The following PTCHD4 variants were observed in gnomAD, a reference collection of about 807,000 sequenced individuals.
PTCHD4 encodes the protein patched domain containing 4, also known as patched domain-containing protein 4.
In PTCHD4, 33 loss-of-function variants were observed where a neutral mutation model predicts 58.1. The observed-to-expected ratio is 0.57, with a 90% CI of 0.43 to 0.76. The LOEUF (loss-of-function observed/expected upper bound fraction) is 0.76, where lower values mean the gene tolerates loss of function less well. Among genes scored for constraint, PTCHD4 ranks in the 30% least tolerant of loss-of-function variants. The pLI, the probability that PTCHD4 is intolerant of heterozygous loss-of-function variation, is 0.00. For synonymous variants in PTCHD4, 478 were observed against 409.6 expected, an observed-to-expected ratio of 1.17 and a Z score of -2.02; for missense variants, 1,058 against 1,027.1, an observed-to-expected ratio of 1.03 and a Z score of -0.41.
chr6:48,053,714 T>A (rs1764313035), intron 3 of PTCHD4, among the ~76,000 whole-genome samples: 1 of 152,102 alleles, frequency 6.6e-6, no homozygotes, highest in African/African-American at 2.4e-5. Flanking sequence ...TGATAAGCAA[T>A]CCGGGACATC....
chr6:48,048,628 C>T (rs1764123063), intron 3 of PTCHD4, among the ~76,000 whole-genome samples: 1 of 151,826 alleles, frequency 6.6e-6, no homozygotes, highest in Non-Finnish European at 1.5e-5. Context: ...CTAGGTTTTG[C>T]AGTATTACTG....
intron 1 of PTCHD4, among the ~76,000 whole-genome samples, chr6:48,071,741 T>A (rs1294554420): frequency 2.0e-5 from 3 of 152,352 alleles, no homozygotes; most frequent in East Asian, 3.9e-4. Context: ...TGTTCCAGGA[T>A]CCTATCCTGG....
intron 4 of PTCHD4, among the ~76,000 whole-genome samples, chr6:47,956,102 A>T (rs190724180): frequency 5.4e-4 from 83 of 152,324 alleles, no homozygotes; most frequent in African/African-American, 1.9e-3. Flanking sequence ...CAGCACTGGA[A>T]TATCCTTTTC....
At chr6:48,019,055 T>C (rs1429920817) in intron 3 of PTCHD4, among the ~76,000 whole-genome samples, 1 of 152,016 alleles carries the variant, frequency 6.6e-6, no homozygotes, top group Non-Finnish European at 1.5e-5. Context: ...CACTGACAAA[T>C]TGGGGAGGCA....
rs1764939907 is a variant in PTCHD4, at chr6:48,069,794, C to T, written c.-837G>A. 6.6e-6 allele frequency among the ~76,000 whole-genome samples: 1 copy of T among 152,158 alleles called. No homozygotes were observed. Among genetic ancestry groups the T allele is most frequent in the Admixed American group, 6.5e-5 (1 of 15,276 alleles). ...GACAGAAAGTTCCTAAAGCTGATTTCAGTCCCCTTTTCCAGTGTCTCCTTC... is the reference window on the plus strand; with the variant it reads ...GACAGAAAGTTCCTAAAGCTGATTTTAGTCCCCTTTTCCAGTGTCTCCTTC... On this transcript the variant is annotated 5_prime_UTR_variant, in exon 2 of 5. Transcript: ENST00000339488.
intron 1 of PTCHD4, among the ~76,000 whole-genome samples, chr6:48,092,250 G>T (rs1021553145): frequency 6.6e-6 from 1 of 152,160 alleles, no homozygotes; most frequent in Non-Finnish European, 1.5e-5. Flanking sequence ...ATTAGCCATG[G>T]TTCCTTTATT....
rs770091713 is a variant in PTCHD4 at position 47,878,860 on chromosome 6, G to C, written c.1975C>G (p.Leu659Val). The C allele has an allele frequency of 1.2e-6, 2 of 1,613,712 alleles. No homozygotes were observed. The highest frequency in any genetic ancestry group is 1.7e-6 in the Non-Finnish European group (2 of 1,179,760). ...AGGAGAACACCAAAGCCTGCAATCA[G>C]AACAGGCACTGTGACAGACAAGCTG... ...HYSLSVTVPV[L>V]IAGFGVLLVL... The change falls in exon 5 of 5, where the codon CTG (leucine) becomes GTG (valine). Residue 659 changes from leucine to valine, a missense_variant. By Grantham distance (32) the Leu-to-Val change is conservative (BLOSUM62 1). Transcript: ENST00000339488.
At chr6:47,995,571 G>T (rs1289158762) in intron 4 of PTCHD4, among the ~76,000 whole-genome samples, 1 of 152,078 alleles carries the variant, frequency 6.6e-6, no homozygotes, top group African/African-American at 2.4e-5. Flanking sequence ...TTGAGAGTTT[G>T]GTTTGCCACT....
chr6:47,971,821 G>T (rs1767523326), intron 4 of PTCHD4, among the ~76,000 whole-genome samples: 1 of 152,126 alleles, frequency 6.6e-6, no homozygotes, highest in Non-Finnish European at 1.5e-5. Context: ...AGAAGATACT[G>T]CAACAGACTT....
intron 3 of PTCHD4, among the ~76,000 whole-genome samples, chr6:48,034,874 G>A (rs1164213116): frequency 6.6e-6 from 1 of 152,102 alleles, no homozygotes; most frequent in African/African-American, 2.4e-5. Context: ...GCTGGATACA[G>A]GTATCTGAGC....
chr6:47,867,608 C>A lies in PTCHD4; in HGVS notation c.*10695G>T, dbSNP rs1248381138. Among the ~76,000 whole-genome samples the A allele has an allele frequency of 6.6e-6, 1 of 151,704 alleles. No individual in the cohort carries two copies. Among genetic ancestry groups the A allele is most frequent in the Non-Finnish European group, 1.5e-5 (1 of 67,826 alleles). ...TAACAAGTCTCTTCTGGGTTGCTAT[C>A]ATCTCATCTGTTATAGCCTTCATCC... On this transcript the variant is annotated 3_prime_UTR_variant, in exon 5 of 5. Transcript: ENST00000339488.
intron 4 of PTCHD4, among the ~76,000 whole-genome samples, chr6:47,936,715 A>G (rs1316151143): frequency 6.6e-6 from 1 of 152,258 alleles, no homozygotes. Context: ...CAGTTGGGAC[A>G]CATCAATGAA....
intron 4 of PTCHD4, among the ~76,000 whole-genome samples, chr6:47,964,853 T>C (rs1014640361): frequency 1.3e-5 from 2 of 152,324 alleles, no homozygotes; most frequent in African/African-American, 2.4e-5. Context: ...CAGTAAAGTT[T>C]AGTTGAAATA....
chr6:47,939,518 A>C (rs748710578), intron 4 of PTCHD4, among the ~76,000 whole-genome samples: 17 of 152,112 alleles, frequency 1.1e-4, no homozygotes, highest in Admixed American at 1.0e-3. Context: ...TGTGGAAATC[A>C]TAATGTGATT....
chr6:48,014,957 C>T (rs1374152502), intron 3 of PTCHD4, among the ~76,000 whole-genome samples: 1 of 152,104 alleles, frequency 6.6e-6, no homozygotes, highest in East Asian at 1.9e-4. Flanking sequence ...AAAGTTATTT[C>T]ACTTGCAGAC....
At chr6:47,984,078 C>T (rs1344868474) in intron 4 of PTCHD4, among the ~76,000 whole-genome samples, 1 of 151,926 alleles carries the variant, frequency 6.6e-6, no homozygotes, top group African/African-American at 2.4e-5. Context: ...ATTAGTAATG[C>T]TTCTATATAA....
chr6:48,081,887 C>G (rs1184286885), intron 1 of PTCHD4, among the ~76,000 whole-genome samples: 1 of 152,134 alleles, frequency 6.6e-6, no homozygotes, highest in East Asian at 1.9e-4. Flanking sequence ...CTAAAGAAAA[C>G]TGTGGCATAG....
intron 4 of PTCHD4, among the ~76,000 whole-genome samples, chr6:47,984,863 A>G (rs980684964): frequency 6.6e-6 from 1 of 152,164 alleles, no homozygotes; most frequent in Admixed American, 6.5e-5. Context: ...CAAAGGTACA[A>G]AAAGCAATTA....
intron 4 of PTCHD4, among the ~76,000 whole-genome samples, chr6:47,970,217 G>T (rs1304795123): frequency 6.6e-6 from 1 of 152,158 alleles, no homozygotes; most frequent in African/African-American, 2.4e-5. Context: ...ATTTAAGTCT[G>T]CTCCTTTTTG....
Sources: gnomAD v4.1 joint callset for allele counts (sites outside exome capture counted in the v4.1 genomes callset) on GRCh38, gnomAD v4.1.1 for gene constraint, MANE v1.5 for transcripts, NCBI Gene and HGNC (gene_info 2026-07-23, HGNC 2026-07-21) for gene names.